TIAM2: variants seen among roughly 807,000 people sequenced by gnomAD.
The protein encoded by TIAM2 is TIAM Rac1 associated GEF 2.
Under a neutral mutation model 152.9 loss-of-function variants are expected in TIAM2, and 80 were observed. That is an observed-to-expected ratio of 0.52 (90% CI 0.44 to 0.63). TIAM2 has a LOEUF of 0.63. Among genes scored for constraint, TIAM2 ranks in the 30% least tolerant of loss-of-function variants. The pLI is 0.00. For synonymous variants in TIAM2, 804 were observed against 838.0 expected, an observed-to-expected ratio of 0.96 and a Z score of 0.70; for missense variants, 1,965 against 2,120.1, an observed-to-expected ratio of 0.93 and a Z score of 1.44.
At chr6:155,177,756 A>G (rs1780790204) in intron 10 of TIAM2, among the ~76,000 whole-genome samples, 1 of 152,188 alleles carries the variant, frequency 6.6e-6, no homozygotes, top group Non-Finnish European at 1.5e-5. Context: ...TGTAGTTTAT[A>G]TCCTTAGGAA....
At chr6:155,011,420 A>AG (rs1778487800) in intron 1 of TIAM2, among the ~76,000 whole-genome samples, 7 of 3,754 alleles carry the variant, frequency 1.9e-3, no homozygotes, top group Non-Finnish European at 2.5e-3. Context: ...GTGGCTTCTC[A>AG]ATTTTCATAT....
At chr6:155,225,583 C>T (rs546170516) in intron 15 of TIAM2, among the ~76,000 whole-genome samples, 2 of 152,314 alleles carry the variant, frequency 1.3e-5, no homozygotes, top group East Asian at 1.9e-4. Context: ...TTCTCTAGAT[C>T]CCCAGCTCTT....
At chr6:155,237,606 G>A (rs1782834511) in intron 15 of TIAM2, among the ~76,000 whole-genome samples, 2 of 152,240 alleles carry the variant, frequency 1.3e-5, no homozygotes, top group African/African-American at 2.4e-5. Context: ...TACATTCTCT[G>A]AAATCTAGGT....
Position 155,219,088 on chromosome 6 carries a change from A to G in TIAM2, c.3168+7781A>G, listed in dbSNP as rs116295344. Among the ~76,000 whole-genome samples, 764 of 151,250 alleles carry G rather than the reference A, an allele frequency of 5.1e-3. 12 individuals carry two copies. The highest frequency in any genetic ancestry group is 0.018 in the African/African-American group (733 of 41,150). On this transcript the variant is annotated intron_variant, in intron 15 of 26. Coordinates refer to ENST00000682666, the MANE Select transcript of TIAM2 (RefSeq NM_012454.4). ...TCTTGACCATCTCAGCTGCCCACCT[A>G]TATTCTCGAAGTTAGTGTCAGTGGT...
At chr6:155,045,392 A>G (rs1047236067) in intron 1 of TIAM2, among the ~76,000 whole-genome samples, 2 of 152,144 alleles carry the variant, frequency 1.3e-5, no homozygotes, top group Non-Finnish European at 2.9e-5. Flanking sequence ...GTTTTCTTCA[A>G]AACAGCTTGG....
At position 155,169,311 on chromosome 6, in the gene TIAM2, C is replaced by T. The variant is rs545634031; in HGVS notation, c.2361+3902C>T. Among the ~76,000 whole-genome samples the T allele has an allele frequency of 9.2e-5, 14 of 152,192 alleles. 1 individual carries two copies. The highest frequency in any genetic ancestry group is 1.9e-4 in the East Asian group (1 of 5,178). On this transcript the variant is annotated intron_variant, in intron 9 of 26. Transcript: ENST00000682666. ...ACCCGGCCACAAATGCTAACTTAAG[C>T]GAGGAATGCTGGTTCAGAATCTTTA...
chr6:155,004,104 G>A (rs540402463), intron 1 of TIAM2, among the ~76,000 whole-genome samples: 5 of 152,344 alleles, frequency 3.3e-5, no homozygotes, highest in African/African-American at 9.6e-5. Flanking sequence ...CTGAACTCCT[G>A]ACCTCAGGTG....
intron 2 of TIAM2, among the ~76,000 whole-genome samples, chr6:155,104,693 G>A (rs1778640828): frequency 6.6e-6 from 1 of 151,470 alleles, no homozygotes; most frequent in Non-Finnish European, 1.5e-5. Flanking sequence ...GGAGGCGGAG[G>A]TTGCCGTGAG....
At chr6:155,149,564 T>C (rs1477544832) in intron 7 of TIAM2, among the ~76,000 whole-genome samples, 2 of 152,228 alleles carry the variant, frequency 1.3e-5, no homozygotes, top group Non-Finnish European at 2.9e-5. Flanking sequence ...AATTAAATAA[T>C]ACCTCTGTTT....
chr6:155,098,940 C>T (rs1778483611), intron 2 of TIAM2, among the ~76,000 whole-genome samples: 1 of 152,182 alleles, frequency 6.6e-6, no homozygotes, highest in African/African-American at 2.4e-5. Context: ...GTAATCCCAG[C>T]ACTTTGGGAG....
intron 1 of TIAM2, among the ~76,000 whole-genome samples, chr6:155,063,649 G>T (rs903538162): frequency 2.6e-5 from 4 of 152,052 alleles, no homozygotes; most frequent in African/African-American, 9.7e-5. Flanking sequence ...GGGCGTGGTG[G>T]TACATGCCTG....
At chr6:155,238,519 C>T (rs1329753366) in intron 15 of TIAM2, among the ~76,000 whole-genome samples, 3 of 152,240 alleles carry the variant, frequency 2.0e-5, no homozygotes, top group Non-Finnish European at 2.9e-5. Context: ...GTTCCCATGG[C>T]AGACATCTGT....
chr6:155,136,436 G>A (rs963275817), intron 4 of TIAM2, among the ~76,000 whole-genome samples: 3 of 151,716 alleles, frequency 2.0e-5, no homozygotes, highest in Non-Finnish European at 4.4e-5. Context: ...CGCCAGGCCT[G>A]GCTAATTTTT....
At chr6:155,016,514 TGG>T (rs1778587947) in intron 1 of TIAM2, among the ~76,000 whole-genome samples, 1 of 149,974 alleles carries the variant, frequency 6.7e-6, no homozygotes, top group Admixed American at 6.6e-5. Context: ...TACATTTAAA[TGG>T]TATTTACATT....
intron 16 of TIAM2, among the ~76,000 whole-genome samples, chr6:155,241,660 C>G (rs991075407): frequency 3.3e-5 from 5 of 152,184 alleles, no homozygotes; most frequent in African/African-American, 1.2e-4. Context: ...GCCCTATTCA[C>G]AGGTAGCTTC....
intron 14 of TIAM2, among the ~76,000 whole-genome samples, chr6:155,208,144 G>A (rs544078072): frequency 1.9e-4 from 29 of 152,056 alleles, no homozygotes; most frequent in African/African-American, 6.8e-4. Flanking sequence ...ATGTGCATGT[G>A]GATCATATGT....
intron 1 of TIAM2, among the ~76,000 whole-genome samples, chr6:155,083,536 G>T (rs1295314346): frequency 6.6e-6 from 1 of 152,108 alleles, no homozygotes; most frequent in African/African-American, 2.4e-5. Flanking sequence ...CTAGCCTGCT[G>T]CCATAAACAT....
At chr6:155,020,402 T>C (rs1003112627) in intron 1 of TIAM2, among the ~76,000 whole-genome samples, 3 of 152,306 alleles carry the variant, frequency 2.0e-5, no homozygotes, top group African/African-American at 7.2e-5. Context: ...TCCCCCTTTT[T>C]TCACCTACTT....
At chr6:155,173,195 G>GTGTGTC (rs1562341653) in intron 9 of TIAM2, among the ~76,000 whole-genome samples, 1 of 138,218 alleles carries the variant, frequency 7.2e-6, no homozygotes, top group Non-Finnish European at 1.6e-5. Context: ...GTGTGTGTGT[G>GTGTGTC]TGTGTGTCTG....
Sources: allele counts gnomAD v4.1 joint callset (sites outside exome capture counted in the v4.1 genomes callset), GRCh38; gene constraint gnomAD v4.1.1; transcripts MANE v1.5; gene names NCBI Gene and HGNC (gene_info 2026-07-23, HGNC 2026-07-21).